The following PEPD variants were observed in gnomAD, a reference collection of about 807,000 sequenced individuals.
PEPD encodes xaa-Pro dipeptidase.
Under a neutral mutation model 60.7 loss-of-function variants are expected in PEPD, and 53 were observed. The ratio of observed to expected loss-of-function variants is 0.87; its 90% CI spans 0.70 to 1.10. The LOEUF is 1.10. Among genes scored for constraint, PEPD ranks in the 50% least tolerant of loss-of-function variants. The probability of loss-of-function intolerance (pLI) is 0.00; values close to 1 mark genes in which losing one functional copy is unlikely to be tolerated. For synonymous variants in PEPD, 267 were observed against 284.1 expected (o/e 0.94, Z 0.60); for missense variants, 711 against 711.9 (o/e 1.00, Z 0.01).
chr19:33,488,648 G>A (rs960109479), intron 6 of PEPD, among the ~76,000 whole-genome samples: 4 of 152,148 alleles, frequency 2.6e-5, no homozygotes, highest in Non-Finnish European at 4.4e-5. Flanking sequence ...AGGAGGACAC[G>A]AAGATCTGTG....
intron 9 of PEPD, among the ~76,000 whole-genome samples, chr19:33,435,256 C>T (rs1024434687): frequency 6.6e-6 from 1 of 151,904 alleles, no homozygotes; most frequent in Non-Finnish European, 1.5e-5. Flanking sequence ...CGTCTGATCC[C>T]GACTCAAAGC....
At chr19:33,507,581 T>C (rs551878310) in intron 3 of PEPD, among the ~76,000 whole-genome samples, 3 of 152,200 alleles carry the variant, frequency 2.0e-5, no homozygotes, top group Admixed American at 6.5e-5. Flanking sequence ...ATCTGCCAGA[T>C]GGATTTTCAA....
intron 6 of PEPD, among the ~76,000 whole-genome samples, chr19:33,485,491 T>TAAAAAAAAAAAA (rs908651690): frequency 8.9e-4 from 99 of 110,930 alleles, no homozygotes; most frequent in African/African-American, 3.2e-3. Context: ...AGACTCTGTC[T>TAAAAAAAAAAAA]AAAAAAAAAA....
At chr19:33,431,248 G>A (rs906451040) in intron 9 of PEPD, among the ~76,000 whole-genome samples, 6 of 152,006 alleles carry the variant, frequency 3.9e-5, no homozygotes, top group East Asian at 1.9e-4. Flanking sequence ...ATTCCTTCCC[G>A]AAGGAAGGAA....
intron 3 of PEPD, among the ~76,000 whole-genome samples, chr19:33,510,456 T>C (rs894056735): frequency 2.0e-5 from 3 of 152,292 alleles, no homozygotes; most frequent in Non-Finnish European, 4.4e-5. Context: ...CTGATTTACA[T>C]AGGGCTCAGG....
chr19:33,413,814 T>C (rs1043348250), intron 9 of PEPD, among the ~76,000 whole-genome samples, 171 bp from the exon 10 acceptor site: 3 of 152,184 alleles, frequency 2.0e-5, no homozygotes, highest in African/African-American at 4.8e-5. Flanking sequence ...TGGGGGTCAG[T>C]CATAGGCTGC....
intron 13 of PEPD, among the ~76,000 whole-genome samples, chr19:33,390,416 A>T (rs750061324): frequency 6.6e-6 from 1 of 152,248 alleles, no homozygotes; most frequent in East Asian, 1.9e-4. Context: ...TTGAATAATA[A>T]TGCTTCTCTT....
chr19:33,521,699 C>T (rs1284414636), intron 1 of PEPD, 45 bp downstream of exon 1: 1 of 1,564,084 alleles, frequency 6.4e-7, no homozygotes, highest in East Asian at 2.4e-5. Flanking sequence ...CACCCATGCC[C>T]CTCTCCACGC....
Position 33,464,074 on chromosome 19 carries a change from G to T in PEPD, c.549-12C>A. 6.2e-7 allele frequency: 1 copy of T among 1,602,950 alleles called. No individual in the cohort carries two copies. The highest frequency in any genetic ancestry group is 8.5e-7 in the Non-Finnish European group (1 of 1,170,300). ...TCTTAAACACTCGGCTTCAGAGACA[G>T]AAGAACAAAGCAGCAAATCAGTGAC... On this transcript the variant is annotated splice_polypyrimidine_tract_variant and intron_variant, in intron 7 of 14. Coordinates refer to ENST00000244137, the MANE Select transcript of PEPD (RefSeq NM_000285.4).
intron 9 of PEPD, among the ~76,000 whole-genome samples, chr19:33,437,691 A>G (rs996619202): frequency 6.6e-6 from 1 of 152,218 alleles, no homozygotes; most frequent in African/African-American, 2.4e-5. Context: ...AAGTGCAGAG[A>G]GCCCGTTGGA....
chr19:33,421,485 TTTTG>T (rs1403456645), intron 9 of PEPD, among the ~76,000 whole-genome samples: 2 of 152,196 alleles, frequency 1.3e-5, no homozygotes, highest in Non-Finnish European at 2.9e-5. Flanking sequence ...TACTTTTTAT[TTTTG>T]TTTTTCATTT....
chr19:33,518,942 G>T (rs911231941), intron 1 of PEPD, among the ~76,000 whole-genome samples: 1 of 152,176 alleles, frequency 6.6e-6, no homozygotes, highest in Non-Finnish European at 1.5e-5. Flanking sequence ...GCAAATACGT[G>T]AAGAATCATA....
intron 11 of PEPD, among the ~76,000 whole-genome samples, chr19:33,410,928 G>A (rs368003712): frequency 7.2e-5 from 11 of 152,114 alleles, no homozygotes; most frequent in African/African-American, 9.7e-5. Context: ...CAAAGAACGC[G>A]GAGGGACTGA....
intron 13 of PEPD, chr19:33,388,751 G>A (rs966913383): frequency 3.6e-5 from 6 of 166,916 alleles, no homozygotes; most frequent in East Asian, 1.6e-4. Context: ...CTTGGAGAAC[G>A]CCTGAGGGAC....
chr19:33,454,609 G>GA (rs1301936362), intron 9 of PEPD, among the ~76,000 whole-genome samples: 77 of 103,960 alleles, frequency 7.4e-4, no homozygotes, highest in Non-Finnish European at 1.4e-3. Flanking sequence ...CTCCAAAAAA[G>GA]AAAAAAAAAA....
chr19:33,425,652 G>A (rs922249127), intron 9 of PEPD, among the ~76,000 whole-genome samples: 6 of 152,118 alleles, frequency 3.9e-5, no homozygotes, highest in Admixed American at 2.6e-4. Flanking sequence ...CATTCATGAC[G>A]AGGATAAAAA....
Position 33,388,028 on chromosome 19 carries a change from G to A in PEPD, c.1206C>T (p.His402=), listed in dbSNP as rs750322296. ...CGGTGAGCACCATGCCTGGCTGCAG[G>A]TGCCGTGCAGTGCGCAGGCTCCGCA... ...PGLRSLRTAR[H]LQPGMVLTVE... Residue 402 remains histidine, a synonymous_variant, in exon 14 of 15, where the codon CAC becomes CAT. Coordinates refer to ENST00000244137, the MANE Select transcript of PEPD (RefSeq NM_000285.4). 9 of 1,563,880 alleles carry A rather than the reference G, an allele frequency of 5.8e-6. No homozygotes were observed. Among genetic ancestry groups the A allele is most frequent in the Non-Finnish European group, 7.8e-6 (9 of 1,154,546 alleles).
At position 33,399,190 on chromosome 19, in the gene PEPD, T is replaced by C. The variant is rs962594447; in HGVS notation, c.967+2531A>G. On this transcript the variant is annotated intron_variant, in intron 12 of 14. Coordinates refer to ENST00000244137, the MANE Select transcript of PEPD (RefSeq NM_000285.4). ...TTTTAGTAGAGACAGGGTTTCTCCATGTTGCCCATGCTGGTCTTCAACTCC... is the reference window on the plus strand; with the variant it reads ...TTTTAGTAGAGACAGGGTTTCTCCACGTTGCCCATGCTGGTCTTCAACTCC... Among the ~76,000 whole-genome samples the C allele has an allele frequency of 1.2e-4, 19 of 152,196 alleles. 1 individual carries two copies. Among genetic ancestry groups the C allele is most frequent in the South Asian group, 4.1e-4 (2 of 4,830 alleles).
chr19:33,488,669 G>A (rs1045909673), intron 6 of PEPD, among the ~76,000 whole-genome samples: 4 of 152,164 alleles, frequency 2.6e-5, no homozygotes, highest in Non-Finnish European at 5.9e-5. Context: ...CAGTGAAAAA[G>A]CAAACCTACT....
Sources: gnomAD v4.1 joint callset for allele counts (sites outside exome capture counted in the v4.1 genomes callset) on GRCh38, gnomAD v4.1.1 for gene constraint, MANE v1.5 for transcripts, NCBI Gene and HGNC (gene_info 2026-07-23, HGNC 2026-07-21) for gene names.